PPARGC1A: variants seen among roughly 807,000 people sequenced by gnomAD.
PPARGC1A encodes the protein peroxisome proliferator-activated receptor gamma coactivator 1-alpha.
A neutral mutation model predicts 88.7 loss-of-function variants in PPARGC1A; 25 were observed. The observed-to-expected ratio is 0.28, with a 90% CI of 0.21 to 0.39. PPARGC1A has a LOEUF of 0.39. Ranked by LOEUF, PPARGC1A falls within the 10% of genes least tolerant of loss-of-function variation. The pLI, the probability that PPARGC1A is intolerant of heterozygous loss-of-function variation, is 1.00. For synonymous variants in PPARGC1A, 363 were observed against 355.6 expected, an observed-to-expected ratio of 1.02 and a Z score of -0.24; for missense variants, 880 against 968.7, an observed-to-expected ratio of 0.91 and a Z score of 1.22.
the PPARGC1A span, among the ~76,000 whole-genome samples, chr4:24,470,271 GACACAGACACACACACACACACAC>G: frequency 1.4e-4 from 10 of 71,970 alleles, no homozygotes; most frequent in Non-Finnish European, 2.9e-4. The surrounding 1 kb of genome is among the most constrained non-coding windows in gnomAD (Gnocchi z 5.8). Context: ...CTCATCGACA[GACACAGACACACACACACACACAC>G]ACACACACAC....
the PPARGC1A span, among the ~76,000 whole-genome samples, chr4:24,229,368 C>A: frequency 6.7e-6 from 1 of 148,844 alleles, no homozygotes; most frequent in Non-Finnish European, 1.5e-5. Flanking sequence ...AGGCTGGTCT[C>A]GAACTTCTGA....
At chr4:23,904,623 A>C (rs1719823912), upstream of PPARGC1A, among the ~76,000 whole-genome samples, 1 of 152,088 alleles carries the variant, frequency 6.6e-6, no homozygotes. Flanking sequence ...GGATTATTTC[A>C]CCCTTTGTCC....
chr4:24,240,003 T>C, the PPARGC1A span, among the ~76,000 whole-genome samples: 4 of 152,306 alleles, frequency 2.6e-5, no homozygotes, highest in East Asian at 7.8e-4. Flanking sequence ...CCTCAGTTTT[T>C]CCACTTGAAT....
intron 2 of PPARGC1A, among the ~76,000 whole-genome samples, chr4:23,856,616 G>A (rs1730236570): frequency 6.6e-6 from 1 of 152,168 alleles, no homozygotes; most frequent in Admixed American, 6.5e-5. Context: ...CCTCTGTAGA[G>A]AGAATCCCAA....
chr4:24,074,166 A>C, the PPARGC1A span, among the ~76,000 whole-genome samples: 1 of 152,170 alleles, frequency 6.6e-6, no homozygotes, highest in South Asian at 2.1e-4. Flanking sequence ...CACATGAGGG[A>C]ATGAAAATGA....
chr4:24,363,885 G>A, the PPARGC1A span, among the ~76,000 whole-genome samples: 43 of 152,112 alleles, frequency 2.8e-4, no homozygotes, highest in Non-Finnish European at 6.0e-4. Flanking sequence ...CCCTCTCCAT[G>A]ACTGCCTTTA....
the PPARGC1A span, among the ~76,000 whole-genome samples, chr4:24,259,967 C>G: frequency 6.6e-6 from 1 of 152,160 alleles, no homozygotes; most frequent in Non-Finnish European, 1.5e-5. Context: ...AGTTGGGTGA[C>G]CTGGCTTCTT....
At chr4:24,064,215 A>C in the PPARGC1A span, among the ~76,000 whole-genome samples, 1 of 152,154 alleles carries the variant, frequency 6.6e-6, no homozygotes, top group Non-Finnish European at 1.5e-5. Context: ...GAAAAAAAAC[A>C]ACTGGGAAGA....
At chr4:24,066,849 G>GTTTTTTTTTT in the PPARGC1A span, among the ~76,000 whole-genome samples, 23 of 100,864 alleles carry the variant, frequency 2.3e-4, no homozygotes, top group South Asian at 6.5e-4. Context: ...TTTGTTTTGG[G>GTTTTTTTTTT]TTTTTTTTTT....
At chr4:24,463,873 C>T in the PPARGC1A span, among the ~76,000 whole-genome samples, 2 of 152,204 alleles carry the variant, frequency 1.3e-5, no homozygotes, top group Non-Finnish European at 2.9e-5. Flanking sequence ...CATACATGCA[C>T]GCATATCCAT....
the PPARGC1A span, among the ~76,000 whole-genome samples, chr4:24,181,469 G>T: frequency 6.6e-6 from 1 of 152,170 alleles, no homozygotes; most frequent in Admixed American, 6.5e-5. Flanking sequence ...ACTCACACAT[G>T]CTAAGTACTT....
chr4:24,112,807 G>A, the PPARGC1A span, among the ~76,000 whole-genome samples: 1 of 152,116 alleles, frequency 6.6e-6, no homozygotes, highest in African/African-American at 2.4e-5. Context: ...TATCAAGTGT[G>A]GCAAAAGAAC....
the PPARGC1A span, among the ~76,000 whole-genome samples, chr4:24,467,845 AT>A: frequency 1.2e-4 from 18 of 152,138 alleles, no homozygotes; most frequent in African/African-American, 4.1e-4. Context: ...TGAAGATGCC[AT>A]TTTTATATTT....
the PPARGC1A span, among the ~76,000 whole-genome samples, chr4:24,080,596 G>C: frequency 6.6e-6 from 1 of 152,058 alleles, no homozygotes; most frequent in Non-Finnish European, 1.5e-5. Flanking sequence ...TGGTTTTAAA[G>C]AAAATACTTT....
chr4:23,807,735 T>TTGTG (rs578197512), intron 10 of PPARGC1A, among the ~76,000 whole-genome samples: 18 of 150,148 alleles, frequency 1.2e-4, no homozygotes, highest in African/African-American at 3.4e-4. Flanking sequence ...TTTTTTTCTT[T>TTGTG]TGTGTGTGTG....
the PPARGC1A span, among the ~76,000 whole-genome samples, chr4:24,079,958 C>T: frequency 9.7e-4 from 147 of 152,128 alleles, 1 homozygote; most frequent in African/African-American, 3.2e-3. Context: ...CTTTATAGCA[C>T]ATTGCAATGT....
chr4:24,469,903 T>C, the PPARGC1A span, among the ~76,000 whole-genome samples: 1 of 152,182 alleles, frequency 6.6e-6, no homozygotes, highest in Admixed American at 6.5e-5. Flanking sequence ...CGTGATTGCC[T>C]GTCTTGTGAA....
chr4:24,198,076 C>T, the PPARGC1A span, among the ~76,000 whole-genome samples: 1 of 152,160 alleles, frequency 6.6e-6, no homozygotes, highest in African/African-American at 2.4e-5. Flanking sequence ...CAGTCTTACA[C>T]AGACATACCA....
chr4:24,022,518 A>G, the PPARGC1A span, among the ~76,000 whole-genome samples: 1 of 152,136 alleles, frequency 6.6e-6, no homozygotes, highest in African/African-American at 2.4e-5. Flanking sequence ...ACAGATTCCA[A>G]GCACCTAGCA....
Sources: gnomAD v4.1 joint callset for allele counts (sites outside exome capture counted in the v4.1 genomes callset) on GRCh38, gnomAD v4.1.1 for gene constraint, Gnocchi (gnomAD v3.1) non-coding constraint, MANE v1.5 for transcripts, NCBI Gene and HGNC (gene_info 2026-07-23, HGNC 2026-07-21) for gene names.